The following XKR9 variants were observed in gnomAD, a reference collection of about 807,000 sequenced individuals.
The protein encoded by XKR9 is XK-related protein 9.
Under a neutral mutation model 32.0 loss-of-function variants are expected in XKR9, and 32 were observed. The ratio of observed to expected loss-of-function variants is 1.00; its 90% confidence interval spans 0.76 to 1.34. The LOEUF (loss-of-function observed/expected upper bound fraction) is 1.34, where lower values mean the gene tolerates loss of function less well. Among genes scored for constraint, XKR9 ranks in the 40% most tolerant of loss-of-function variants. The probability of loss-of-function intolerance (pLI) is 0.00; values close to 1 mark genes in which losing one functional copy is unlikely to be tolerated. For synonymous variants in XKR9, 168 were observed against 143.4 expected (o/e 1.17, Z -1.22); for missense variants, 546 against 429.7 (o/e 1.27, Z -2.39).
chr8:70,828,416 TAGAC>T, the XKR9 span, among the ~76,000 whole-genome samples: 2 of 152,138 alleles, frequency 1.3e-5, no homozygotes, highest in Admixed American at 6.5e-5. Context: ...GTTGAACACC[TAGAC>T]AGTCAGTGTA....
chr8:70,745,486 T>C (rs550042182), intron 2 of XKR9, among the ~76,000 whole-genome samples: 2 of 152,342 alleles, frequency 1.3e-5, no homozygotes, highest in East Asian at 1.9e-4. Context: ...CAACCTTTAG[T>C]GTGCATCAGA....
chr8:70,944,956 G>A, the XKR9 span, among the ~76,000 whole-genome samples: 5 of 152,248 alleles, frequency 3.3e-5, 1 homozygote, highest in Middle Eastern at 3.4e-3. Context: ...CTAAGATGGA[G>A]GATCTGTTAT....
chr8:70,778,446 A>T (rs1309216394), intron 2 of XKR9, among the ~76,000 whole-genome samples: 1 of 152,136 alleles, frequency 6.6e-6, no homozygotes, highest in Non-Finnish European at 1.5e-5. Flanking sequence ...TTTTGGTTCC[A>T]TATGGACTTT....
the XKR9 span, among the ~76,000 whole-genome samples, chr8:70,910,097 A>G: frequency 0.01 from 1,543 of 147,386 alleles, 24 homozygotes; most frequent in African/African-American, 0.036. Context: ...CCTGTGGGGA[A>G]AAAAAAAAAA....
At chr8:70,682,146 GA>G (rs1479807089) in intron 3 of XKR9, among the ~76,000 whole-genome samples, 4 of 151,934 alleles carry the variant, frequency 2.6e-5, no homozygotes, top group East Asian at 1.9e-4. Context: ...GGAAAAGCTG[GA>G]AAAAAAGTGC....
At chr8:70,834,579 T>G in the XKR9 span, among the ~76,000 whole-genome samples, 1 of 152,170 alleles carries the variant, frequency 6.6e-6, no homozygotes, top group South Asian at 2.1e-4. Context: ...ATATATCTTA[T>G]TAGTCTCATC....
At chr8:71,002,571 C>T in the XKR9 span, among the ~76,000 whole-genome samples, 4 of 151,994 alleles carry the variant, frequency 2.6e-5, no homozygotes, top group Non-Finnish European at 5.9e-5. Flanking sequence ...CTGTTTTATA[C>T]GGTCTCCCTT....
chr8:70,906,149 T>C, the XKR9 span, among the ~76,000 whole-genome samples: 1 of 152,182 alleles, frequency 6.6e-6, no homozygotes, highest in Non-Finnish European at 1.5e-5. Flanking sequence ...ACTACTCTCT[T>C]CAAAGCTGTC....
chr8:70,955,340 C>T, the XKR9 span, among the ~76,000 whole-genome samples: 15 of 152,132 alleles, frequency 9.9e-5, no homozygotes, highest in Admixed American at 6.5e-4. Flanking sequence ...AGTCTTCAGT[C>T]CCTGGGGAGG....
the XKR9 span, among the ~76,000 whole-genome samples, chr8:70,842,926 T>G: frequency 6.6e-6 from 1 of 151,888 alleles, no homozygotes; most frequent in East Asian, 1.9e-4. Flanking sequence ...AATTTTGGAC[T>G]GAAGAAGGAG....
the XKR9 span, among the ~76,000 whole-genome samples, chr8:70,836,615 G>A: frequency 1.9e-4 from 29 of 151,878 alleles, no homozygotes; most frequent in African/African-American, 6.7e-4. Context: ...ATTGATATTT[G>A]GGGTTTTTTT....
At chr8:70,928,748 C>T in the XKR9 span, among the ~76,000 whole-genome samples, 2 of 152,124 alleles carry the variant, frequency 1.3e-5, no homozygotes, top group Non-Finnish European at 2.9e-5. Flanking sequence ...CAAAGTTAGT[C>T]CCAGCTTGTT....
intron 3 of XKR9, among the ~76,000 whole-genome samples, chr8:70,683,811 TC>T (rs1266180379): frequency 6.6e-6 from 1 of 152,240 alleles, no homozygotes; most frequent in Non-Finnish European, 1.5e-5. Context: ...ACTTCTGCCT[TC>T]CTGAGGTCTG....
chr8:70,846,690 A>T, the XKR9 span, among the ~76,000 whole-genome samples: 1 of 152,106 alleles, frequency 6.6e-6, no homozygotes, highest in Non-Finnish European at 1.5e-5. Context: ...ATGGAAAAAG[A>T]TGTTCCATAC....
chr8:71,023,212 C>T, the XKR9 span, among the ~76,000 whole-genome samples: 1 of 152,110 alleles, frequency 6.6e-6, no homozygotes, highest in South Asian at 2.1e-4. Context: ...CTGATTTCTG[C>T]ACATCTGGTA....
chr8:70,725,869 G>A (rs975520458), intron 4 of XKR9, among the ~76,000 whole-genome samples: 10 of 152,126 alleles, frequency 6.6e-5, no homozygotes, highest in African/African-American at 2.4e-4. Context: ...TTGCATCACT[G>A]TACTCTAGCC....
chr8:70,709,177 A>G (rs762740029), intron 4 of XKR9, among the ~76,000 whole-genome samples: 1 of 152,220 alleles, frequency 6.6e-6, no homozygotes, highest in African/African-American at 2.4e-5. Context: ...CATAAATACA[A>G]CTAAAAATAA....
chr8:70,865,341 T>C, the XKR9 span, among the ~76,000 whole-genome samples: 1 of 151,956 alleles, frequency 6.6e-6, no homozygotes, highest in Non-Finnish European at 1.5e-5. Flanking sequence ...TAAAATTCTG[T>C]CCCACTAAAG....
chr8:70,886,365 C>A, the XKR9 span, among the ~76,000 whole-genome samples: 1 of 152,128 alleles, frequency 6.6e-6, no homozygotes, highest in Non-Finnish European at 1.5e-5. Flanking sequence ...GTGCATGTGT[C>A]TTTATAGTAG....
Sources: allele counts gnomAD v4.1 joint callset (sites outside exome capture counted in the v4.1 genomes callset), GRCh38; gene constraint gnomAD v4.1.1; transcripts MANE v1.5; gene names NCBI Gene and HGNC (gene_info 2026-07-23, HGNC 2026-07-21).